Variants in AKAP9 observed in about 807,000 individuals in gnomAD.
The protein encoded by AKAP9 is A-kinase anchor protein 9.
In AKAP9, 311 loss-of-function variants were observed where a neutral mutation model predicts 488.5. That is an observed-to-expected ratio of 0.64 (90% CI 0.58 to 0.70). The LOEUF is 0.70. AKAP9 is among the 30% of genes least tolerant of loss of function. AKAP9 has a pLI of 0.00. For missense variants in AKAP9, 4,215 were observed against 4,374.5 expected (o/e 0.96, Z 1.03); for synonymous variants, 1,462 against 1,483.5 (o/e 0.99, Z 0.33).
At chr7:91,985,925 G>A (rs960782626) in intron 3 of AKAP9, among the ~76,000 whole-genome samples, 2 of 152,134 alleles carry the variant, frequency 1.3e-5, no homozygotes, top group East Asian at 3.9e-4. Flanking sequence ...GGGATTACAG[G>A]CATGAGCCAC....
chr7:92,102,790 T>G lies in AKAP9; in HGVS notation c.11294T>G (p.Phe3765Cys), dbSNP rs771234171. ...AATCGCCCAAAGGGCTTCACCAGGT[T>G]TCGGTCGGCCGTCAGAGTATCCATT... ...ITNRPKGFTR[F>C]RSAVRVSIAI... Residue 3765 changes from phenylalanine to cysteine, a missense_variant, in exon 46 of 50, where the codon TTT becomes TGT. Phe to Cys is a radical substitution (Grantham distance 205, BLOSUM62 -2). Transcript: ENST00000356239. 2 of 1,614,174 alleles carry G rather than the reference T, an allele frequency of 1.2e-6. No individual in the cohort carries two copies. Among genetic ancestry groups the G allele is most frequent in the African/African-American group, 1.3e-5 (1 of 75,040 alleles).
At chr7:92,054,845 A>T (rs772968317) in intron 22 of AKAP9, among the ~76,000 whole-genome samples, 6 of 151,936 alleles carry the variant, frequency 3.9e-5, no homozygotes, top group Non-Finnish European at 7.4e-5. Flanking sequence ...TATGAAAAAG[A>T]ATGCTTAAGA....
At chr7:91,956,015 A>T (rs1048036087) in intron 1 of AKAP9, among the ~76,000 whole-genome samples, 3 of 152,192 alleles carry the variant, frequency 2.0e-5, no homozygotes, top group African/African-American at 7.2e-5. Flanking sequence ...ACATTTTAGT[A>T]GTGTTTCCTC....
In AKAP9 at chr7:92,108,520, A is replaced by G. The variant is rs79735192; in HGVS notation, c.11573A>G (p.Asn3858Ser). 8 of 1,614,096 alleles carry G rather than the reference A, an allele frequency of 5.0e-6. No homozygotes were observed. In the East Asian group the frequency reaches 6.7e-5, roughly 13 times the overall value. The change falls in exon 49 of 50, where the codon AAT becomes AGT. Residue 3858 changes from asparagine to serine, a missense_variant. Coordinates refer to ENST00000356239, the MANE Select transcript of AKAP9 (RefSeq NM_005751.5). ...NRYPGTPADF[N>S]PGSLACSQLQ... The stretch of plus-strand genomic sequence containing the variant: ...TACCCAGGCACTCCAGCTGATTTCA[A>G]TCCTGGTTCTTTAGCATGTTCTCAG...
chr7:92,109,934 G>A (rs1016701489), intron 49 of AKAP9, among the ~76,000 whole-genome samples, 188 bp from the exon 50 acceptor site: 1 of 152,080 alleles, frequency 6.6e-6, no homozygotes, highest in Non-Finnish European at 1.5e-5. Context: ...CTGGGCAACA[G>A]AGTAACACTC....
chr7:92,052,491 T>G (rs1406430616), intron 21 of AKAP9, among the ~76,000 whole-genome samples: 1 of 152,174 alleles, frequency 6.6e-6, no homozygotes, highest in Non-Finnish European at 1.5e-5. Context: ...AATACTGAAT[T>G]ACCCACATGA....
At chr7:92,076,762 C>A in intron 28 of AKAP9, 93 bp from the exon 29 acceptor site, 1 of 725,698 alleles carries the variant, frequency 1.4e-6, no homozygotes, top group Non-Finnish European at 2.2e-6. Flanking sequence ...TTTAAGCATG[C>A]ATACTTTGTA....
chr7:92,094,989 G>A (rs1242503756), intron 39 of AKAP9, 34 bp from the exon 40 acceptor site: 1 of 1,609,094 alleles, frequency 6.2e-7, no homozygotes, highest in South Asian at 1.1e-5. Flanking sequence ...CGTCAACATA[G>A]CTTTATGGAA....
intron 3 of AKAP9, among the ~76,000 whole-genome samples, chr7:91,990,562 A>G (rs562685955): frequency 9.4e-4 from 143 of 152,316 alleles, no homozygotes; most frequent in African/African-American, 3.2e-3. Context: ...TAAGAATTCA[A>G]TACATATGAG....
intron 46 of AKAP9, among the ~76,000 whole-genome samples, chr7:92,105,206 G>GT (rs886066080): frequency 6.6e-5 from 10 of 152,024 alleles, no homozygotes; most frequent in East Asian, 1.9e-4. Context: ...TGAAACCAAC[G>GT]TTTTTTTGTC....
At chr7:91,957,248 T>A (rs889521554) in intron 1 of AKAP9, among the ~76,000 whole-genome samples, 1 of 152,186 alleles carries the variant, frequency 6.6e-6, no homozygotes, top group Admixed American at 6.5e-5. Context: ...TGTTTTTAAA[T>A]GTGTAGAATT....
intron 40 of AKAP9, among the ~76,000 whole-genome samples, chr7:92,095,496 C>G (rs1259719050): frequency 6.6e-6 from 1 of 152,076 alleles, no homozygotes; most frequent in Non-Finnish European, 1.5e-5. Context: ...AGTTTTGGTT[C>G]CTGTTTTCTC....
chr7:92,053,735 A>T lies in AKAP9; in HGVS notation c.5601+777A>T, dbSNP rs145916690. Among the ~76,000 whole-genome samples the T allele has an allele frequency of 4.8e-4, 73 of 152,106 alleles. 1 individual carries two copies. Among genetic ancestry groups the T allele is most frequent in the African/African-American group, 1.7e-3 (72 of 41,480 alleles). ...GGATCACAAAAGCTTTGTGTAGAGC[A>T]GTAACCCTATGGCAGAGACTTCTCA... is the stretch of plus-strand genomic sequence containing the variant. On this transcript the variant is annotated intron_variant, in intron 22 of 49. Transcript: ENST00000356239.
intron 37 of AKAP9, among the ~76,000 whole-genome samples, chr7:92,087,396 T>C (rs967721824): frequency 1.4e-4 from 22 of 152,240 alleles, no homozygotes; most frequent in Non-Finnish European, 2.8e-4. Flanking sequence ...ACCTGAGATA[T>C]AAAAATAATA....
chr7:91,962,308 T>C (rs1258419253), intron 1 of AKAP9, among the ~76,000 whole-genome samples: 3 of 152,224 alleles, frequency 2.0e-5, no homozygotes, highest in Non-Finnish European at 2.9e-5. Flanking sequence ...ATTGTAGATA[T>C]TATTTTTCTG....
intron 15 of AKAP9, among the ~76,000 whole-genome samples, chr7:92,030,808 T>C (rs1051655146): frequency 5.6e-5 from 7 of 125,132 alleles, no homozygotes; most frequent in African/African-American, 2.2e-4. Context: ...TGCTCAACAT[T>C]GTATTATTCT....
At chr7:92,099,575 A>AAT in intron 43 of AKAP9, 112 bp from the exon 44 acceptor site, 1 of 1,050,386 alleles carries the variant, frequency 9.5e-7, no homozygotes, top group Non-Finnish European at 1.5e-6. Flanking sequence ...CTGAATACTC[A>AAT]ACTCAAGCAC....
rs753029277 is a variant in AKAP9 at position 92,022,286 on chromosome 7, A to T, written c.3886A>T (p.Asn1296Tyr). The change falls in exon 13 of 50, where the codon AAC becomes TAC. Residue 1296 changes from asparagine (N) to tyrosine (Y), a missense_variant. Around this residue, in one of 5 missense-constraint regions of AKAP9, gnomAD observed 2,361 missense variants for 2,430.0 expected, o/e 0.97. Transcript: ENST00000356239. Reference protein sequence around the residue: ...DGMKLEFGEENLPKEETEFLS... With the variant: ...DGMKLEFGEEYLPKEETEFLS... ...TATGAAACTTGAATTTGGAGAAGAA[A>T]ACCTTCCAAAAGAGGAAACAGAGTT... 6.2e-7 allele frequency: 1 copy of T among 1,613,760 alleles called. No homozygotes were observed. Among genetic ancestry groups the T allele is most frequent in the Non-Finnish European group, 8.5e-7 (1 of 1,179,768 alleles).
intron 28 of AKAP9, among the ~76,000 whole-genome samples, chr7:92,074,650 G>A (rs916850345): frequency 6.6e-6 from 1 of 152,074 alleles, no homozygotes; most frequent in African/African-American, 2.4e-5. Context: ...AAGAAAATGT[G>A]GCACATATAC....
Sources: gnomAD v4.1 joint callset for allele counts (sites outside exome capture counted in the v4.1 genomes callset) on GRCh38, gnomAD v4.1.1 for gene constraint, gnomAD v4.1.1 regional missense constraint, MANE v1.5 for transcripts, NCBI Gene and HGNC (gene_info 2026-07-23, HGNC 2026-07-21) for gene names.